LRSAM1: variants seen among roughly 807,000 people sequenced by gnomAD.
The protein encoded by LRSAM1 is leucine rich repeat and sterile alpha motif containing 1, also known as E3 ubiquitin-protein ligase LRSAM1.
LRSAM1 carries 96 observed loss-of-function variants against 118.1 expected under a neutral mutation model. The observed-to-expected ratio is 0.81, with a 90% CI of 0.69 to 0.96. LRSAM1 has a LOEUF of 0.96. Ranked by LOEUF, LRSAM1 falls within the 40% of genes least tolerant of loss-of-function variation. LRSAM1 has a pLI of 0.00. For missense variants in LRSAM1, 804 were observed against 915.5 expected (o/e 0.88, Z 1.57); for synonymous variants, 322 against 364.2 (o/e 0.88, Z 1.32).
In LRSAM1 at chr9:127,473,948, T is replaced by A. The variant is rs752370625; in HGVS notation, c.750+17T>A. 3 of 1,614,156 alleles carry A rather than the reference T, an allele frequency of 1.9e-6. No homozygotes were observed. The East Asian group carries it at 6.7e-5, about 36-fold the overall frequency. ...GAGTGGCAGGTAAGACAAGGCAGCC[T>A]GCTGCACGCATACATGTGTGTGTGT... On this transcript the variant is annotated intron_variant, in intron 11 of 25. Transcript: ENST00000300417.
intron 9 of LRSAM1, among the ~76,000 whole-genome samples, chr9:127,466,511 T>TTA (rs1834952774): frequency 7.4e-5 from 6 of 80,676 alleles, no homozygotes; most frequent in African/African-American, 3.8e-4. Context: ...TATATTTTTT[T>TTA]TTTTTTTTTT....
intron 11 of LRSAM1, among the ~76,000 whole-genome samples, 156 bp from the exon 12 acceptor site, chr9:127,478,778 G>A (rs565506078): frequency 1.6e-4 from 25 of 152,204 alleles, no homozygotes; most frequent in African/African-American, 2.9e-4. Flanking sequence ...TGATCAATAC[G>A]GATCCCCTCA....
rs550363764 is a variant in LRSAM1, at chr9:127,465,202, C to T, written c.529-2538C>T. 1.2e-4 allele frequency among the ~76,000 whole-genome samples: 18 copies of T among 152,190 alleles called. No individual in the cohort carries two copies. The East Asian group carries it at 1.9e-3, about 16-fold the overall frequency. ...AACACATGGCCAGCATGCAATGAGC[C>T]GGGATCTGAAGCCATGGCGGTGTCT... is the stretch of plus-strand genomic sequence containing the variant. On this transcript the variant is annotated intron_variant, in intron 9 of 25. Transcript: ENST00000300417. This position sits in a 1 kb window ranked among gnomAD's most constrained non-coding sequence, Gnocchi z 4.1.
intron 10 of LRSAM1, among the ~76,000 whole-genome samples, chr9:127,469,071 T>C (rs905451113): frequency 3.9e-5 from 6 of 152,152 alleles, no homozygotes; most frequent in Non-Finnish European, 8.8e-5. Flanking sequence ...GAGATGATAT[T>C]TGCAATACAT....
intron 15 of LRSAM1, 59 bp from the exon 16 acceptor site, chr9:127,482,891 C>T: frequency 6.7e-7 from 1 of 1,497,944 alleles, no homozygotes; most frequent in Admixed American, 2.0e-5. Flanking sequence ...TGTTCATCTG[C>T]TGGGATTCCC....
chr9:127,461,758 C>A (rs1588099983), intron 8 of LRSAM1, among the ~76,000 whole-genome samples: 1 of 152,362 alleles, frequency 6.6e-6, no homozygotes, highest in African/African-American at 2.4e-5. Context: ...GAGCCAAGAC[C>A]ACTGCACAGG....
chr9:127,458,909 G>C lies in LRSAM1; in HGVS notation c.253-94G>C. ...CAGGCACTCTGTTTCTGCACTGGGG[G>C]TGTGAGGTGGCCCCAGCCCCTCCTC... On this transcript the variant is annotated intron_variant, in intron 6 of 25. Transcript: ENST00000300417. The C allele has an allele frequency of 2.6e-6, 3 of 1,161,164 alleles. No individual in the cohort carries two copies. The South Asian group carries it at 3.7e-5, about 14-fold the overall frequency. 71.9% of individuals were successfully genotyped at this position (1,161,164 alleles called of 1,614,324 possible).
chr9:127,455,066 A>G lies in LRSAM1; in HGVS notation c.129+12A>G. 1 of 1,613,244 alleles carries G rather than the reference A, an allele frequency of 6.2e-7. No individual in the cohort carries two copies. Among genetic ancestry groups the G allele is most frequent in the South Asian group, 1.1e-5 (1 of 91,064 alleles). On this transcript the variant is annotated intron_variant, in intron 4 of 25. Coordinates refer to ENST00000300417, the MANE Select transcript of LRSAM1 (RefSeq NM_001005373.4). The stretch of plus-strand genomic sequence containing the variant: ...GTGAGCTCTCAGAGGTAAACTGAGG[A>G]TAGTGTTGGGCTGTGAATTGGATCT...
intron 6 of LRSAM1, among the ~76,000 whole-genome samples, chr9:127,458,295 T>C (rs1324229818): frequency 2.0e-5 from 3 of 151,150 alleles, no homozygotes; most frequent in Non-Finnish European, 4.4e-5. Flanking sequence ...GGCAGGAGAA[T>C]GGCGTGAACC....
intron 5 of LRSAM1, 33 bp from the exon 6 acceptor site, chr9:127,457,283 C>T (rs1013134942): frequency 2.5e-6 from 4 of 1,611,846 alleles, no homozygotes; most frequent in African/African-American, 1.3e-5. Context: ...TGCTCTTCCT[C>T]AGCCCAGCAT....
At position 127,451,510 on chromosome 9, in the gene LRSAM1, G is replaced by T; in HGVS notation, c.-348G>T. On this transcript the variant is annotated 5_prime_UTR_variant, in exon 1 of 26. Coordinates refer to ENST00000300417, the MANE Select transcript of LRSAM1 (RefSeq NM_001005373.4). ...CAGAGACGCCCTTGTCGCCATGTTT[G>T]TTGTGGGCAGGCGCCTGAGGCTGAC... The T allele has an allele frequency of 1.5e-6, 1 of 663,796 alleles. No homozygotes were observed. Among genetic ancestry groups the T allele is most frequent in the Middle Eastern group, 4.3e-4 (1 of 2,324 alleles). 41.1% of individuals were successfully genotyped at this position (663,796 alleles called of 1,614,324 possible).
In LRSAM1 at chr9:127,459,074, A is replaced by G; in HGVS notation, c.321+3A>G. The G allele has an allele frequency of 6.2e-7, 1 of 1,613,380 alleles. No individual in the cohort carries two copies. The highest frequency in any genetic ancestry group is 8.5e-7 in the Non-Finnish European group (1 of 1,179,988). Reference sequence around the variant, plus strand: ...TGGGGCAGCTGACTGCCCTCCAGGTAAGGCTGCAGAAACAGAAACCCACCT... The same window carrying G: ...TGGGGCAGCTGACTGCCCTCCAGGTGAGGCTGCAGAAACAGAAACCCACCT... On this transcript the variant is annotated splice_donor_region_variant and intron_variant, in intron 7 of 25. Transcript: ENST00000300417.
At chr9:127,494,159 C>T (rs1427407473) in intron 21 of LRSAM1, among the ~76,000 whole-genome samples, 1 of 152,268 alleles carries the variant, frequency 6.6e-6, no homozygotes, top group Non-Finnish European at 1.5e-5. Flanking sequence ...CAGCAGAACA[C>T]AGCCCATCCG....
chr9:127,456,670 C>T (rs192132096), intron 5 of LRSAM1, among the ~76,000 whole-genome samples: 1,798 of 152,150 alleles, frequency 0.012, 21 homozygotes, highest in Non-Finnish European at 0.017. Flanking sequence ...CAAGACCATC[C>T]TGGCTACCAT....
intron 5 of LRSAM1, among the ~76,000 whole-genome samples, 163 bp downstream of exon 5, chr9:127,455,783 C>T (rs1834495623): frequency 1.3e-5 from 2 of 152,186 alleles, no homozygotes; most frequent in African/African-American, 4.8e-5. Context: ...GGAGAGTAGG[C>T]TTTGGGGTTG....
intron 10 of LRSAM1, among the ~76,000 whole-genome samples, chr9:127,470,685 A>G (rs945743297): frequency 3.3e-5 from 5 of 152,128 alleles, no homozygotes; most frequent in African/African-American, 1.2e-4. Flanking sequence ...CGGCAAGTGG[A>G]AAGAATGAGC....
intron 9 of LRSAM1, 50 bp downstream of exon 9, chr9:127,462,423 C>G (rs775318697): frequency 1.2e-6 from 2 of 1,612,304 alleles, no homozygotes; most frequent in Non-Finnish European, 1.7e-6. Flanking sequence ...CTGCCCACCT[C>G]CCCTCTCTCC....
intron 21 of LRSAM1, 22 bp downstream of exon 21, chr9:127,492,919 T>C: frequency 6.2e-7 from 1 of 1,601,004 alleles, no homozygotes. Context: ...GCTTCTGTGC[T>C]CAGCATCACA....
chr9:127,458,397 AAC>A lies in LRSAM1; in HGVS notation c.253-604_253-603del, dbSNP rs1834606050. Among the ~76,000 whole-genome samples, 5 of 149,010 alleles carry A rather than the reference AAC, an allele frequency of 3.4e-5. 1 individual carries two copies. Among genetic ancestry groups the A allele is most frequent in the Non-Finnish European group, 4.5e-5 (3 of 67,108 alleles). On this transcript the variant is annotated intron_variant, in intron 6 of 25. Coordinates refer to ENST00000300417, the MANE Select transcript of LRSAM1 (RefSeq NM_001005373.4). ...GAGCGAGACTTCGTCTCAAAAACAA[AAC>A]AAAACAAAACAAAACAAAACAAAAA...
Sources: allele counts gnomAD v4.1 joint callset (sites outside exome capture counted in the v4.1 genomes callset), GRCh38; gene constraint gnomAD v4.1.1; non-coding constraint Gnocchi (gnomAD v3.1); transcripts MANE v1.5; gene names NCBI Gene and HGNC (gene_info 2026-07-23, HGNC 2026-07-21).